SYPL2: variants seen among roughly 807,000 people sequenced by gnomAD.
The protein encoded by SYPL2 is synaptophysin like 2, also known as synaptophysin-like protein 2.
A neutral mutation model predicts 31.3 loss-of-function variants in SYPL2; 24 were observed. The ratio of observed to expected loss-of-function variants is 0.77; its 90% CI spans 0.56 to 1.08. The LOEUF (loss-of-function observed/expected upper bound fraction) is 1.08, where lower values mean the gene tolerates loss of function less well. SYPL2 is among the 50% of genes least tolerant of loss of function. The pLI, the probability that SYPL2 is intolerant of heterozygous loss-of-function variation, is 0.00. For synonymous variants in SYPL2, 144 were observed against 143.1 expected (o/e 1.01, Z -0.05); for missense variants, 342 against 360.1 (o/e 0.95, Z 0.41).
rs1398283625 is a variant in SYPL2 at position 109,481,158 on chromosome 1, G to T, written c.*1610G>T. On this transcript the variant is annotated 3_prime_UTR_variant, in exon 6 of 6. Transcript: ENST00000369872. The stretch of plus-strand genomic sequence containing the variant: ...GGGGTACCTAGGAGTCAGGACTTTT[G>T]ACTTCAGGCCAGTCATTTCCTCCCG... The T allele has an allele frequency of 6.6e-6, 1 of 152,626 alleles. No homozygotes were observed. The highest frequency in any genetic ancestry group is 2.4e-5 in the African/African-American group (1 of 41,432). 9.5% of individuals were successfully genotyped at this position (152,626 alleles called of 1,614,324 possible).
rs985370017 is a variant in SYPL2 at position 109,480,594 on chromosome 1, C to G, written c.*1046C>G. 3 of 152,540 alleles carry G rather than the reference C, an allele frequency of 2.0e-5. No individual in the cohort carries two copies. The highest frequency in any genetic ancestry group is 7.2e-5 in the African/African-American group (3 of 41,428). 9.4% of individuals were successfully genotyped at this position (152,540 alleles called of 1,614,324 possible). On this transcript the variant is annotated 3_prime_UTR_variant, in exon 6 of 6. Transcript: ENST00000369872. ...CATGAGGCTAAGTTGCCCCAGAGCC[C>G]CAGGATGGATGGGCCCATTTTTTCC...
Position 109,478,653 on chromosome 1 carries a change from C to T in SYPL2, c.648+644C>T, listed in dbSNP as rs772657356. Among the ~76,000 whole-genome samples, 5 of 152,324 alleles carry T rather than the reference C, an allele frequency of 3.3e-5. No individual in the cohort carries two copies. Among genetic ancestry groups the T allele is most frequent in the Admixed American group, 1.3e-4 (2 of 15,300 alleles). On this transcript the variant is annotated intron_variant, in intron 5 of 5. Coordinates refer to ENST00000369872, the MANE Select transcript of SYPL2 (RefSeq NM_001040709.2). The surrounding 1 kb of genome is among the most constrained non-coding windows in gnomAD (Gnocchi z 4.0). Reference sequence around the variant, plus strand: ...TAATGGCTGGCACACCAGGAACACACGTCTGGAACTTGCTGGAACCCTGCT... The same window carrying T: ...TAATGGCTGGCACACCAGGAACACATGTCTGGAACTTGCTGGAACCCTGCT...
At position 109,477,834 on chromosome 1, in the gene SYPL2, T is replaced by C. The variant is rs771115204; in HGVS notation, c.473T>C (p.Val158Ala). ...RFPLVDFCVTVSFTFFWLVAA... is the reference protein window; with the variant it reads ...RFPLVDFCVTASFTFFWLVAA... The stretch of plus-strand genomic sequence containing the variant: ...TCCTCCCAGGACTTCTGTGTGACTG[T>C]CTCCTTCACCTTCTTCTGGCTGGTA... Residue 158 changes from valine to alanine, a missense_variant, in exon 5 of 6, where the codon GTC (valine) becomes GCC (alanine). Coordinates refer to ENST00000369872, the MANE Select transcript of SYPL2 (RefSeq NM_001040709.2). 1 of 1,609,964 alleles carries C rather than the reference T, an allele frequency of 6.2e-7. No individual in the cohort carries two copies. The highest frequency in any genetic ancestry group is 8.5e-7 in the Non-Finnish European group (1 of 1,177,372).
At position 109,478,214 on chromosome 1, in the gene SYPL2, C is replaced by T. The variant is rs1315633677; in HGVS notation, c.648+205C>T. Reference sequence around the variant, plus strand: ...TTTGGGATGAGGGGAACCCAAAAGCCACTTAGCCTTCTGTTCCTTCCTCCT... The same window carrying T: ...TTTGGGATGAGGGGAACCCAAAAGCTACTTAGCCTTCTGTTCCTTCCTCCT... On this transcript the variant is annotated intron_variant, in intron 5 of 5. Transcript: ENST00000369872. The surrounding 1 kb of genome is among the most constrained non-coding windows in gnomAD (Gnocchi z 4.0). 3 of 1,192,394 alleles carry T rather than the reference C, an allele frequency of 2.5e-6. No homozygotes were observed. The highest frequency in any genetic ancestry group is 3.4e-6 in the Non-Finnish European group (3 of 880,360). 73.9% of individuals were successfully genotyped at this position (1,192,394 alleles called of 1,614,324 possible).
Position 109,466,819 on chromosome 1 carries a change from C to G in SYPL2, c.-25C>G. ...CGGCCAGAGAGCCAAGCCACCACGC[C>G]GCGCCCAGCGCTCGCCGCGCCAGCA... is the stretch of plus-strand genomic sequence containing the variant. On this transcript the variant is annotated 5_prime_UTR_variant, in exon 1 of 6. Transcript: ENST00000369872. The G allele has an allele frequency of 6.6e-7, 1 of 1,510,564 alleles. No individual in the cohort carries two copies. Among genetic ancestry groups the G allele is most frequent in the South Asian group, 1.2e-5 (1 of 81,982 alleles). The allele number at this position is 1,510,564 out of a possible 1,614,324, so 93.6% of individuals were successfully genotyped here.
chr1:109,467,674 C>G (rs1655699147), intron 2 of SYPL2, among the ~76,000 whole-genome samples: 1 of 152,088 alleles, frequency 6.6e-6, no homozygotes. Flanking sequence ...ATCCGAGTTC[C>G]TGTAAATGAG....
Position 109,481,997 on chromosome 1 carries a change from G to A in SYPL2, c.*2449G>A, listed in dbSNP as rs1656173163. On this transcript the variant is annotated 3_prime_UTR_variant, in exon 6 of 6. Coordinates refer to ENST00000369872, the MANE Select transcript of SYPL2 (RefSeq NM_001040709.2). ...CACCTAGGACCTTTCCTGGACATGA[G>A]TTTCCTTCACTATCATAGTCATGAG... is the stretch of plus-strand genomic sequence containing the variant. The A allele has an allele frequency of 6.6e-6, 1 of 152,660 alleles. No individual in the cohort carries two copies. The highest frequency in any genetic ancestry group is 1.5e-5 in the Non-Finnish European group (1 of 68,068). 9.5% of individuals were successfully genotyped at this position (152,660 alleles called of 1,614,324 possible).
At chr1:109,472,605 CTTTTTTTTT>C (rs59224604) in intron 2 of SYPL2, among the ~76,000 whole-genome samples, 10 of 71,076 alleles carry the variant, frequency 1.4e-4, no homozygotes, top group South Asian at 5.4e-4. Context: ...TTTTTCTTTA[CTTTTTTTTT>C]TTTTTTTTTT....
At chr1:109,479,354 CA>C (rs777156188) in intron 5 of SYPL2, 23 bp from the exon 6 acceptor site, 349 of 1,611,262 alleles carry the variant, frequency 2.2e-4, no homozygotes, top group Non-Finnish European at 2.9e-4. Context: ...ACTATTCTCA[CA>C]AATTCCCCTG....
chr1:109,473,897 A>G (rs1655912231), intron 2 of SYPL2, among the ~76,000 whole-genome samples: 1 of 151,480 alleles, frequency 6.6e-6, no homozygotes, highest in Admixed American at 6.6e-5. Flanking sequence ...TCCATCTAAA[A>G]AAAAAAAAAA....
At chr1:109,473,476 C>T (rs531537866) in intron 2 of SYPL2, among the ~76,000 whole-genome samples, 21 of 152,212 alleles carry the variant, frequency 1.4e-4, no homozygotes, top group Non-Finnish European at 3.1e-4. Flanking sequence ...CACTGGACAC[C>T]TCGCAGGGGC....
intron 1 of SYPL2, 73 bp from the exon 2 acceptor site, chr1:109,466,986 G>A (rs921015376): frequency 6.5e-7 from 1 of 1,536,594 alleles, no homozygotes; most frequent in African/African-American, 1.4e-5. Flanking sequence ...CCGCGTGTGA[G>A]TGGGGCAAGG....
rs1380141776 is a variant in SYPL2, at chr1:109,480,932, G to C, written c.*1384G>C. Reference sequence around the variant, plus strand: ...GTAAGGATCATTTGCTTCCTACCCAGCTCAATCTGCCCTGGCCATAGGGCT... The same window carrying C: ...GTAAGGATCATTTGCTTCCTACCCACCTCAATCTGCCCTGGCCATAGGGCT... On this transcript the variant is annotated 3_prime_UTR_variant, in exon 6 of 6. Coordinates refer to ENST00000369872, the MANE Select transcript of SYPL2 (RefSeq NM_001040709.2). 1.3e-5 allele frequency: 2 copies of C among 152,632 alleles called. No homozygotes were observed. The highest frequency in any genetic ancestry group is 6.5e-5 in the Admixed American group (1 of 15,274). The allele number at this position is 152,632 out of a possible 1,614,324, so 9.5% of individuals were successfully genotyped here.
At chr1:109,475,294 C>A in intron 2 of SYPL2, 1 of 271,460 alleles carries the variant, frequency 3.7e-6, no homozygotes, top group Non-Finnish European at 6.9e-6. Flanking sequence ...GTCCCCAAGT[C>A]ATGCCCAATG....
rs1339461203 is a variant in SYPL2 at position 109,478,964 on chromosome 1, G to A, written c.649-414G>A. 1.3e-5 allele frequency among the ~76,000 whole-genome samples: 2 copies of A among 152,206 alleles called. No homozygotes were observed. Among genetic ancestry groups the A allele is most frequent in the African/African-American group, 4.8e-5 (2 of 41,462 alleles). On this transcript the variant is annotated intron_variant, in intron 5 of 5. Transcript: ENST00000369872. The surrounding 1 kb of genome is among the most constrained non-coding windows in gnomAD (Gnocchi z 4.0). ...AACTATTTGAACATAGCCCTGGCTA[G>A]GTGCCTGATCACAGGGAAGGAGCAC...
rs1199990681 is a variant in SYPL2, at chr1:109,479,817, T to C, written c.*269T>C. The C allele has an allele frequency of 8.4e-6, 4 of 478,382 alleles. No homozygotes were observed. Among genetic ancestry groups the C allele is most frequent in the East Asian group, 3.4e-5 (1 of 29,042 alleles). 29.6% of individuals were successfully genotyped at this position (478,382 alleles called of 1,614,324 possible). A position where few individuals can be genotyped will look rare whatever the true frequency, so the allele number is the denominator to read the frequency against. ...CCAGGTATCTTACTTGGGGTCTTAC[T>C]TGTACCCTTACAGTCTCTGAGAACC... is the stretch of plus-strand genomic sequence containing the variant. On this transcript the variant is annotated 3_prime_UTR_variant, in exon 6 of 6. Coordinates refer to ENST00000369872, the MANE Select transcript of SYPL2 (RefSeq NM_001040709.2).
chr1:109,466,978 G>A, intron 1 of SYPL2, 81 bp downstream of exon 1: 2 of 1,536,126 alleles, frequency 1.3e-6, no homozygotes, highest in South Asian at 1.2e-5. Context: ...CCCCTGGACC[G>A]CGTGTGAGTG....
At chr1:109,477,179 C>T (rs189324539) in intron 4 of SYPL2, among the ~76,000 whole-genome samples, 142 of 152,274 alleles carry the variant, frequency 9.3e-4, no homozygotes, top group Non-Finnish European at 1.6e-3. Flanking sequence ...AGTTAGACTG[C>T]CTGGGTTCAG....
At chr1:109,475,076 T>G (rs1273119810) in intron 2 of SYPL2, among the ~76,000 whole-genome samples, 1 of 152,188 alleles carries the variant, frequency 6.6e-6, no homozygotes, top group Non-Finnish European at 1.5e-5. Flanking sequence ...CCACTGGAAG[T>G]TAGCAACTAG....
Sources: allele counts gnomAD v4.1 joint callset (sites outside exome capture counted in the v4.1 genomes callset), GRCh38; gene constraint gnomAD v4.1.1; non-coding constraint Gnocchi (gnomAD v3.1); transcripts MANE v1.5; gene names NCBI Gene and HGNC (gene_info 2026-07-23, HGNC 2026-07-21).